The following PAK1IP1 variants were observed in gnomAD, a reference collection of about 807,000 sequenced individuals.
The protein encoded by PAK1IP1 is p21-activated protein kinase-interacting protein 1.
PAK1IP1 carries 24 observed loss-of-function variants against 42.0 expected under a neutral mutation model. The observed-to-expected ratio is 0.57, with a 90% CI of 0.41 to 0.80. The LOEUF (loss-of-function observed/expected upper bound fraction) is 0.80, where lower values mean the gene tolerates loss of function less well. PAK1IP1 is among the 30% of genes least tolerant of loss of function. The probability of loss-of-function intolerance (pLI) is 0.00; values close to 1 mark genes in which losing one functional copy is unlikely to be tolerated. For missense variants in PAK1IP1, 411 were observed against 467.9 expected, an observed-to-expected ratio of 0.88 and a Z score of 1.12; for synonymous variants, 154 against 156.7, an observed-to-expected ratio of 0.98 and a Z score of 0.13.
Position 10,709,003 on chromosome 6 carries a change from G to A in PAK1IP1, c.891G>A (p.Thr297=), listed in dbSNP as rs779364422. The stretch of plus-strand genomic sequence containing the variant: ...AAATAAACACTAATGCCAGGCTGAC[G>A]TGTCTTGGAGTGTGGCTAGACAAAG... ...LCEINTNARL[T]CLGVWLDKVA... Residue 297 remains threonine, a synonymous_variant, in exon 9 of 10, where the codon ACG becomes ACA. Coordinates refer to ENST00000379568, the MANE Select transcript of PAK1IP1 (RefSeq NM_017906.3). The A allele has an allele frequency of 6.8e-6, 11 of 1,611,352 alleles. No homozygotes were observed. In the African/African-American group the frequency reaches 8.0e-5, roughly 12 times the overall value.
chr6:10,694,588 TACAGCCCCTA>T, upstream of PAK1IP1: 1 of 176,916 alleles, frequency 5.7e-6, no homozygotes, highest in South Asian at 1.0e-4. Flanking sequence ...CTGCCGGCGC[TACAGCCCCTA>T]AGCAACCGGC....
At chr6:10,694,906 T>TG (rs1488111175), upstream of PAK1IP1, 1,573 of 533,424 alleles carry the variant, frequency 2.9e-3, 5 homozygotes, top group Middle Eastern at 3.8e-3. Flanking sequence ...GTCAGGTGTT[T>TG]TTTTTTTTTT....
At chr6:10,694,942 T>C, upstream of PAK1IP1, 2 of 806,902 alleles carry the variant, frequency 2.5e-6, no homozygotes, top group African/African-American at 2.0e-5. Flanking sequence ...TTCTGTCACC[T>C]CCAGGCTGAG....
At chr6:10,696,068 G>A (rs565317679) in intron 1 of PAK1IP1, among the ~76,000 whole-genome samples, 1 of 152,074 alleles carries the variant, frequency 6.6e-6, no homozygotes, top group South Asian at 2.1e-4. Context: ...TGCAGATGAA[G>A]TACCAAAATG....
At position 10,702,521 on chromosome 6, in the gene PAK1IP1, G is replaced by T; in HGVS notation, c.368+32G>T. On this transcript the variant is annotated intron_variant, in intron 3 of 9. Coordinates refer to ENST00000379568, the MANE Select transcript of PAK1IP1 (RefSeq NM_017906.3). ...CGGGCTCTTTCCCTTTGGCATTCTC[G>T]ATGTGCCAGTCAAGTTGGGGACTAA... is the stretch of plus-strand genomic sequence containing the variant. 6.2e-7 allele frequency: 1 copy of T among 1,614,070 alleles called. No homozygotes were observed. The highest frequency in any genetic ancestry group is 2.2e-5 in the East Asian group (1 of 44,876).
chr6:10,709,549 T>C lies in PAK1IP1; in HGVS notation c.*97T>C. The stretch of plus-strand genomic sequence containing the variant: ...TTTCCCTGAGTAAAAGCAAGAAATT[T>C]CTTCCTTTGGAAAAAATATATATAT... On this transcript the variant is annotated 3_prime_UTR_variant, in exon 10 of 10. Coordinates refer to ENST00000379568, the MANE Select transcript of PAK1IP1 (RefSeq NM_017906.3). 1 of 671,238 alleles carries C rather than the reference T, an allele frequency of 1.5e-6. No homozygotes were observed. The highest frequency in any genetic ancestry group is 2.2e-6 in the Non-Finnish European group (1 of 451,698). The allele number at this position is 671,238 out of a possible 1,614,324, so 41.6% of individuals were successfully genotyped here. A position where few individuals can be genotyped will look rare whatever the true frequency, so the allele number is the denominator to read the frequency against.
At chr6:10,693,246 T>A (rs113225638), upstream of PAK1IP1, among the ~76,000 whole-genome samples, 876 of 152,338 alleles carry the variant, frequency 5.8e-3, 8 homozygotes, top group African/African-American at 0.02. Context: ...GGGACAAATA[T>A]GTCTGCTTTT....
intron 2 of PAK1IP1, among the ~76,000 whole-genome samples, chr6:10,698,174 C>T (rs1236178585): frequency 6.6e-6 from 1 of 152,006 alleles, no homozygotes. Flanking sequence ...CTCTGTGTGC[C>T]AAGAAAGTAG....
chr6:10,708,188 C>T (rs1049562972), intron 8 of PAK1IP1, among the ~76,000 whole-genome samples: 6 of 141,900 alleles, frequency 4.2e-5, no homozygotes, highest in Non-Finnish European at 9.2e-5. Context: ...ACCCCCCATC[C>T]TCTCCTTTCC....
chr6:10,708,308 G>T (rs1033847283), intron 8 of PAK1IP1, among the ~76,000 whole-genome samples: 1 of 135,096 alleles, frequency 7.4e-6, no homozygotes, highest in Non-Finnish European at 1.5e-5. Flanking sequence ...TTTGTGACGG[G>T]CGTTTTTCAC....
In PAK1IP1 at chr6:10,706,855, G is replaced by A. The variant is rs148621079; in HGVS notation, c.741-560G>A. 9.1e-3 allele frequency among the ~76,000 whole-genome samples: 1,372 copies of A among 150,354 alleles called. 14 individuals carry two copies. Among genetic ancestry groups the A allele is most frequent in the African/African-American group, 0.032 (1,294 of 40,796 alleles). Reference sequence around the variant, plus strand: ...CTGAGATAGCCGAGATCCCACCACCGCACTCCAGCCTGGGCGATAGAGCAA... The same window carrying A: ...CTGAGATAGCCGAGATCCCACCACCACACTCCAGCCTGGGCGATAGAGCAA... On this transcript the variant is annotated intron_variant, in intron 7 of 9. Transcript: ENST00000379568.
At chr6:10,704,469 T>G in intron 5 of PAK1IP1, 38 bp from the exon 6 acceptor site, 5 of 1,305,882 alleles carry the variant, frequency 3.8e-6, no homozygotes, top group Non-Finnish European at 5.3e-6. Flanking sequence ...TATGTTTTAT[T>G]TACAAAATAA....
Position 10,709,433 on chromosome 6 carries a change from A to T in PAK1IP1, c.1160A>T (p.Lys387Ile). ...EMLEKKRKKK[K>I]IKTMQ Reference sequence around the variant, plus strand: ...TTGGAAAAGAAGAGGAAAAAGAAGAAAATAAAAACAATGCAGTGAATCACA... The same window carrying T: ...TTGGAAAAGAAGAGGAAAAAGAAGATAATAAAAACAATGCAGTGAATCACA... The change falls in exon 10 of 10, where the codon AAA (lysine) becomes ATA (isoleucine). Residue 387 changes from lysine (K) to isoleucine (I), a missense_variant. Transcript: ENST00000379568. 1.9e-6 allele frequency: 3 copies of T among 1,609,700 alleles called. No homozygotes were observed. Among genetic ancestry groups the T allele is most frequent in the Non-Finnish European group, 2.5e-6 (3 of 1,177,506 alleles).
Position 10,704,521 on chromosome 6 carries a change from G to C in PAK1IP1, c.511G>C (p.Glu171Gln), listed in dbSNP as rs1770139191. 1 of 1,590,184 alleles carries C rather than the reference G, an allele frequency of 6.3e-7. No homozygotes were observed. Among genetic ancestry groups the C allele is most frequent in the Non-Finnish European group, 8.6e-7 (1 of 1,165,148 alleles). ...KNIKQNAHIV[E>Q]WSPRGEQYVV... The stretch of plus-strand genomic sequence containing the variant: ...TCCACTTACAGATGCTCACATAGTA[G>C]AATGGTCCCCAAGAGGAGAGCAGTA... The change falls in exon 6 of 10, where the codon GAA becomes CAA. Residue 171 changes from glutamate to glutamine, a missense_variant. Transcript: ENST00000379568.
chr6:10,693,897 T>G (rs985384967), upstream of PAK1IP1, among the ~76,000 whole-genome samples: 1 of 151,988 alleles, frequency 6.6e-6, no homozygotes, highest in Non-Finnish European at 1.5e-5. Flanking sequence ...CTGGGCTAAT[T>G]TATAACATTT....
Position 10,697,438 on chromosome 6 carries a change from T to C in PAK1IP1, c.199T>C (p.Tyr67His), listed in dbSNP as rs754942039. 11 of 1,614,040 alleles carry C rather than the reference T, an allele frequency of 6.8e-6. No individual in the cohort carries two copies. The South Asian group carries it at 1.2e-4, about 18-fold the overall frequency. The change falls in exon 2 of 10, where the codon TAT becomes CAT. Residue 67 changes from tyrosine (Y) to histidine (H), a missense_variant. Physicochemically the swap from Tyr to His is moderately conservative, Grantham distance 83 (BLOSUM62 2). Coordinates refer to ENST00000379568, the MANE Select transcript of PAK1IP1 (RefSeq NM_017906.3). ...TGSKDETIHI[Y>H]DMKKKIEHGA... ...GAGCAAAGATGAAACAATTCACATT[T>C]ATGACATGAAAAAGAAGATTGAGCA...
chr6:10,700,401 T>C (rs1769991459), intron 2 of PAK1IP1, among the ~76,000 whole-genome samples: 1 of 152,216 alleles, frequency 6.6e-6, no homozygotes. Flanking sequence ...CTAATCCCGT[T>C]CATGAGGGTT....
Position 10,700,418 on chromosome 6 carries a change from T to C in PAK1IP1, c.248-1951T>C, listed in dbSNP as rs115393014. ...AATCCCGTTCATGAGGGTTTGCCCTTATGACTTAGTCACCATCACCTCCTA... is the reference window on the plus strand; with the variant it reads ...AATCCCGTTCATGAGGGTTTGCCCTCATGACTTAGTCACCATCACCTCCTA... On this transcript the variant is annotated intron_variant, in intron 2 of 9. Coordinates refer to ENST00000379568, the MANE Select transcript of PAK1IP1 (RefSeq NM_017906.3). Among the ~76,000 whole-genome samples, 875 of 152,302 alleles carry C rather than the reference T, an allele frequency of 5.7e-3. 8 individuals are homozygous for C. The highest frequency in any genetic ancestry group is 0.02 in the African/African-American group (831 of 41,566).
chr6:10,702,718 T>C (rs1444585288), intron 4 of PAK1IP1, 79 bp downstream of exon 4: 8 of 1,036,258 alleles, frequency 7.7e-6, no homozygotes, highest in East Asian at 7.1e-5. Context: ...AATACTGTTA[T>C]ACAAGGGAAA....
Sources: allele counts gnomAD v4.1 joint callset (sites outside exome capture counted in the v4.1 genomes callset), GRCh38; gene constraint gnomAD v4.1.1; transcripts MANE v1.5; gene names NCBI Gene and HGNC (gene_info 2026-07-23, HGNC 2026-07-21).